The following SRRM3 variants were observed in gnomAD, a reference collection of about 807,000 sequenced individuals.
SRRM3 encodes serine/arginine repetitive matrix 3.
A neutral mutation model predicts 66.2 loss-of-function variants in SRRM3; 27 were observed. That is an observed-to-expected ratio of 0.41 (90% CI 0.30 to 0.56). The LOEUF (loss-of-function observed/expected upper bound fraction) is 0.56. Among genes scored for constraint, SRRM3 ranks in the 20% least tolerant of loss-of-function variants. The probability of loss-of-function intolerance (pLI) is 0.32; values close to 1 mark genes in which losing one functional copy is unlikely to be tolerated. For synonymous variants in SRRM3, 391 were observed against 414.9 expected (o/e 0.94, Z 0.70); for missense variants, 918 against 991.9 (o/e 0.93, Z 1.00).
intron 1 of SRRM3, among the ~76,000 whole-genome samples, chr7:76,210,158 GCCCC>G (rs2116934660): frequency 6.6e-6 from 1 of 152,288 alleles, no homozygotes; most frequent in South Asian, 2.1e-4. Context: ...TGGGCAACCT[GCCCC>G]CTACACCAAT....
In SRRM3 at chr7:76,217,408, C is replaced by G. The variant is rs142353963; in HGVS notation, c.-40+15341C>G. Among the ~76,000 whole-genome samples the G allele has an allele frequency of 2.6e-3, 394 of 152,254 alleles. 3 individuals carry two copies. The highest frequency in any genetic ancestry group is 5.2e-3 in the Admixed American group (80 of 15,282). ...CAAGCGATTCTCCTGCCTCAACTTC[C>G]CGAGTAGCTGGAATTACAGGCGTCT... is the stretch of plus-strand genomic sequence containing the variant. On this transcript the variant is annotated intron_variant, in intron 1 of 14. Coordinates refer to ENST00000611745, the MANE Select transcript of SRRM3 (RefSeq NM_001110199.3).
rs781971681 is a variant in SRRM3, at chr7:76,285,554, C to G, written c.1734-61C>G. 6 of 1,412,732 alleles carry G rather than the reference C, an allele frequency of 4.2e-6. No individual in the cohort carries two copies. In the Admixed American group the frequency reaches 1.1e-4, roughly 25 times the overall value. 87.5% of individuals were successfully genotyped at this position (1,412,732 alleles called of 1,614,324 possible). A position where few individuals can be genotyped will look rare whatever the true frequency, so the allele number is the denominator to read the frequency against. On this transcript the variant is annotated intron_variant, in intron 14 of 14. Coordinates refer to ENST00000611745, the MANE Select transcript of SRRM3 (RefSeq NM_001110199.3). The surrounding 1 kb of genome is among the most constrained non-coding windows in gnomAD (Gnocchi z 4.1). ...GGAAACTGAGGCAGGAAGCCCTGGC[C>G]GCTGCTGGGATGGGGCTCGGGGCCT...
chr7:76,276,771 G>A (rs1270812610), intron 11 of SRRM3, among the ~76,000 whole-genome samples: 1 of 152,130 alleles, frequency 6.6e-6, no homozygotes, highest in African/African-American at 2.4e-5. Context: ...ACTTCCAGAG[G>A]GATGGGTGGA....
rs1800993508 is a variant in SRRM3, at chr7:76,230,748, CTTACTT to C, written c.-39-4277_-39-4272del. Reference sequence around the variant, plus strand: ...ATAAATCTCACAATAATTTCTTTTACTTACTTTTTTTTTTTTTTTCAAGACAGAGTC... The same window carrying C: ...ATAAATCTCACAATAATTTCTTTTACTTTTTTTTTTTTTCAAGACAGAGTC... On this transcript the variant is annotated intron_variant, in intron 1 of 14. Transcript: ENST00000611745. Among the ~76,000 whole-genome samples the C allele has an allele frequency of 4.5e-5, 4 of 89,208 alleles. 1 individual carries two copies. The allele number at this position is 89,208 out of a possible 152,430, so 58.5% of individuals were successfully genotyped here. A position where few individuals can be genotyped will look rare whatever the true frequency, so the allele number is the denominator to read the frequency against.
chr7:76,283,227 G>T (rs1221162081), intron 14 of SRRM3, 126 bp downstream of exon 14: 6 of 995,332 alleles, frequency 6.0e-6, no homozygotes, highest in South Asian at 4.3e-5. Context: ...ATGGGGGGGG[G>T]TGCTAAGGGA....
chr7:76,263,433 C>T (rs138949185), intron 8 of SRRM3, among the ~76,000 whole-genome samples: 107 of 152,312 alleles, frequency 7.0e-4, no homozygotes, highest in Non-Finnish European at 1.2e-3. Context: ...CCAGAAGCTT[C>T]TCAGGCCTTT....
Position 76,264,783 on chromosome 7 carries a change from C to A in SRRM3, c.693C>A (p.Cys231Ter). 6.2e-7 allele frequency: 1 copy of A among 1,613,742 alleles called. No homozygotes were observed. The change falls in exon 9 of 15, where the codon TGC becomes TGA. Residue 231 changes from cysteine to a stop codon, truncating the protein, a stop_gained. Coordinates refer to ENST00000611745, the MANE Select transcript of SRRM3 (RefSeq NM_001110199.3). LOFTEE classifies it high-confidence loss of function. ...KRRHRSRSSK[C>*]KRKEKNKEKK... ...TCTGCAGATCTCGAAGCTCCAAGTG[C>A]AAAAGAAAAGAGAAGAACAAAGAGA...
chr7:76,215,364 C>T (rs1188090596), intron 1 of SRRM3, among the ~76,000 whole-genome samples: 1 of 147,074 alleles, frequency 6.8e-6, no homozygotes, highest in African/African-American at 2.5e-5. Context: ...ATATTTAGTC[C>T]AATACTGGGC....
intron 12 of SRRM3, 32 bp downstream of exon 12, chr7:76,281,834 G>A (rs1488714033): frequency 6.1e-6 from 7 of 1,138,640 alleles, no homozygotes; most frequent in South Asian, 4.6e-5. Context: ...CTGGACTCCC[G>A]CCCCCACCCC....
intron 2 of SRRM3, among the ~76,000 whole-genome samples, chr7:76,241,007 C>T (rs1242567364): frequency 6.6e-6 from 1 of 152,124 alleles, no homozygotes; most frequent in East Asian, 1.9e-4. Flanking sequence ...AGCGATTCGT[C>T]CTGCCTCAGC....
At chr7:76,202,790 T>TGCCTCCGCCTC (rs1800187952) in intron 1 of SRRM3, among the ~76,000 whole-genome samples, 1 of 152,082 alleles carries the variant, frequency 6.6e-6, no homozygotes, top group African/African-American at 2.4e-5. Context: ...GCCTCTGCCT[T>TGCCTCCGCCTC]GCCTCCGCCT....
rs535782509 is a variant in SRRM3, at chr7:76,252,902, G to A, written c.335+4613G>A. On this transcript the variant is annotated intron_variant, in intron 3 of 14. Coordinates refer to ENST00000611745, the MANE Select transcript of SRRM3 (RefSeq NM_001110199.3). ...GAACAGGCCAGGCGCGGTGGCTCAC[G>A]CCTGTAATCCCAGCACTTTGGGAGG... Among the ~76,000 whole-genome samples, 894 of 152,156 alleles carry A rather than the reference G, an allele frequency of 5.9e-3. 6 individuals carry two copies. The highest frequency in any genetic ancestry group is 8.0e-3 in the Non-Finnish European group (546 of 67,994).
intron 1 of SRRM3, among the ~76,000 whole-genome samples, chr7:76,226,062 CTGAGCATCTTCTCCCT>C (rs1554603718): frequency 2.0e-5 from 3 of 152,220 alleles, no homozygotes; most frequent in African/African-American, 7.2e-5. Context: ...TCACTACGAT[CTGAGCATCTTCTCCCT>C]CTGAGCCCCA....
chr7:76,281,934 C>A, intron 12 of SRRM3, 132 bp downstream of exon 12: 1 of 620,384 alleles, frequency 1.6e-6, no homozygotes, highest in Non-Finnish European at 2.1e-6. Context: ...CCCCTCCCAC[C>A]GAGCTACCCC....
chr7:76,252,612 C>A (rs1252925214), intron 3 of SRRM3, among the ~76,000 whole-genome samples: 5 of 152,006 alleles, frequency 3.3e-5, no homozygotes, highest in African/African-American at 7.2e-5. Context: ...AGCCACCGGG[C>A]CTGGCCTCAT....
chr7:76,233,502 T>C (rs2116991878), intron 1 of SRRM3, among the ~76,000 whole-genome samples: 1 of 152,168 alleles, frequency 6.6e-6, no homozygotes, highest in East Asian at 1.9e-4. Context: ...GGAGCTCTGT[T>C]TGGGGCATGG....
intron 1 of SRRM3, among the ~76,000 whole-genome samples, chr7:76,211,674 C>T (rs1800434344): frequency 6.6e-6 from 1 of 152,110 alleles, no homozygotes; most frequent in Non-Finnish European, 1.5e-5. Flanking sequence ...AGAACCGCTG[C>T]AGCCATGGTC....
intron 6 of SRRM3, 51 bp from the exon 7 acceptor site, chr7:76,261,300 GC>G: frequency 9.6e-6 from 5 of 519,204 alleles, no homozygotes; most frequent in South Asian, 2.7e-5. Context: ...GCCATTTCCA[GC>G]CCCCCACCCC....
At chr7:76,281,226 CTTTT>C (rs782327674) in intron 11 of SRRM3, among the ~76,000 whole-genome samples, 17 of 151,276 alleles carry the variant, frequency 1.1e-4, no homozygotes, top group Admixed American at 5.3e-4. Flanking sequence ...CTCTCCGTCT[CTTTT>C]TCTCTGTCTC....
Sources: allele counts gnomAD v4.1 joint callset (sites outside exome capture counted in the v4.1 genomes callset), GRCh38; gene constraint gnomAD v4.1.1; non-coding constraint Gnocchi (gnomAD v3.1); transcripts MANE v1.5; gene names NCBI Gene and HGNC (gene_info 2026-07-23, HGNC 2026-07-21).